SUSD4: variants seen among roughly 807,000 people sequenced by gnomAD.
SUSD4 encodes the protein sushi domain-containing protein 4.
A neutral mutation model predicts 50.5 loss-of-function variants in SUSD4; 41 were observed. That is an observed-to-expected ratio of 0.81 (90% CI 0.63 to 1.05). The LOEUF (loss-of-function observed/expected upper bound fraction) is 1.05. SUSD4 is among the 50% of genes least tolerant of loss of function. The pLI is 0.00. For synonymous variants in SUSD4, 257 were observed against 257.3 expected (o/e 1.00, Z 0.01); for missense variants, 580 against 634.7 (o/e 0.91, Z 0.93).
At chr1:223,253,509 G>A (rs538324593) in intron 5 of SUSD4, among the ~76,000 whole-genome samples, 3 of 152,264 alleles carry the variant, frequency 2.0e-5, no homozygotes, top group African/African-American at 7.2e-5. Context: ...TTACGGCAAT[G>A]GTTTATGAAG....
In SUSD4 at chr1:223,332,602, C is replaced by A. The variant is rs1667234613; in HGVS notation, c.148+30676G>T. 6.6e-6 allele frequency among the ~76,000 whole-genome samples: 1 copy of A among 152,166 alleles called. No homozygotes were observed. The highest frequency in any genetic ancestry group is 6.5e-5 in the Admixed American group (1 of 15,284). ...TGGATTCAAGACGTAAAAAATACAT[C>A]TCAGGCACTGAAACATGGCCTGACC... On this transcript the variant is annotated intron_variant, in intron 2 of 8. Transcript: ENST00000366878. The surrounding 1 kb of genome is among the most constrained non-coding windows in gnomAD (Gnocchi z 4.0).
At position 223,223,634 on chromosome 1, in the gene SUSD4, G is replaced by A; in HGVS notation, c.1062-3C>T. 2.5e-6 allele frequency: 4 copies of A among 1,596,794 alleles called. No homozygotes were observed. Among genetic ancestry groups the A allele is most frequent in the Non-Finnish European group, 3.4e-6 (4 of 1,170,052 alleles). Reference sequence around the variant, plus strand: ...TGCTGGAACTCCGGGGAGGCCCCCTGTGTAAAGGAAAGAAGTGCCAACATG... The same window carrying A: ...TGCTGGAACTCCGGGGAGGCCCCCTATGTAAAGGAAAGAAGTGCCAACATG... On this transcript the variant is annotated splice_region_variant and splice_polypyrimidine_tract_variant and intron_variant, in intron 7 of 8. Coordinates refer to ENST00000366878, the MANE Select transcript of SUSD4 (RefSeq NM_017982.4).
intron 3 of SUSD4, among the ~76,000 whole-genome samples, chr1:223,280,573 C>A (rs985592359): frequency 4.0e-5 from 6 of 151,602 alleles, no homozygotes; most frequent in African/African-American, 1.5e-4. Flanking sequence ...ACAGGAGCAC[C>A]CAGATTCATA....
chr1:223,274,089 T>C (rs1032518794), intron 3 of SUSD4, among the ~76,000 whole-genome samples: 2 of 152,142 alleles, frequency 1.3e-5, no homozygotes, highest in African/African-American at 4.8e-5. Context: ...CTTTTTTCAC[T>C]TACTATCCAC....
chr1:223,245,401 C>T (rs114455577), intron 5 of SUSD4, among the ~76,000 whole-genome samples: 1 of 151,936 alleles, frequency 6.6e-6, no homozygotes, highest in South Asian at 2.1e-4. Flanking sequence ...AGGAAGGACT[C>T]GGTCCAGGAA....
At chr1:223,323,060 A>T (rs1441579454) in intron 2 of SUSD4, among the ~76,000 whole-genome samples, 2 of 152,052 alleles carry the variant, frequency 1.3e-5, no homozygotes, top group Non-Finnish European at 2.9e-5. Flanking sequence ...TTAGGTAGAG[A>T]CTGAAAGAAG....
At chr1:223,237,017 T>A (rs1660267369) in intron 5 of SUSD4, among the ~76,000 whole-genome samples, 1 of 152,124 alleles carries the variant, frequency 6.6e-6, no homozygotes, top group Admixed American at 6.5e-5. Context: ...AGTTCTTTGA[T>A]TTCTTTCATA....
Position 223,301,178 on chromosome 1 carries a change from T to A in SUSD4, c.149-8527A>T, listed in dbSNP as rs191251303. 2.8e-4 allele frequency among the ~76,000 whole-genome samples: 43 copies of A among 152,336 alleles called. No individual in the cohort carries two copies. In the East Asian group the frequency reaches 5.6e-3, roughly 20 times the overall value. On this transcript the variant is annotated intron_variant, in intron 2 of 8. Transcript: ENST00000366878. ...AGTTTAACATGTTTTTGAGTCCTTA[T>A]ATCTGTTAAAACAGGGCTGAGCAAA...
intron 3 of SUSD4, among the ~76,000 whole-genome samples, chr1:223,282,742 T>C (rs1341770345): frequency 6.6e-6 from 1 of 152,164 alleles, no homozygotes; most frequent in East Asian, 1.9e-4. Flanking sequence ...AAAACTACTT[T>C]AAAGTTCATA....
chr1:223,279,121 A>G (rs2103109802), intron 3 of SUSD4, among the ~76,000 whole-genome samples: 1 of 152,324 alleles, frequency 6.6e-6, no homozygotes, highest in South Asian at 2.1e-4. Context: ...AAAGATGGGG[A>G]AAAAACAGAG....
chr1:223,257,570 G>A (rs34084037), intron 5 of SUSD4, among the ~76,000 whole-genome samples: 1 of 152,164 alleles, frequency 6.6e-6, no homozygotes, highest in Non-Finnish European at 1.5e-5. Context: ...GGTTGGCTTA[G>A]GAGAAAGGGA....
chr1:223,257,630 G>A (rs1230818290), intron 5 of SUSD4, among the ~76,000 whole-genome samples: 1 of 152,234 alleles, frequency 6.6e-6, no homozygotes, highest in Non-Finnish European at 1.5e-5. Context: ...TTCAAAATCA[G>A]TGGCATGAAA....
chr1:223,282,068 A>C (rs1663781365), intron 3 of SUSD4, among the ~76,000 whole-genome samples: 1 of 152,228 alleles, frequency 6.6e-6, no homozygotes, highest in Non-Finnish European at 1.5e-5. Context: ...TCAATAAATT[A>C]GGTATTGATG....
At chr1:223,296,502 C>T (rs565367427) in intron 2 of SUSD4, among the ~76,000 whole-genome samples, 34 of 152,154 alleles carry the variant, frequency 2.2e-4, no homozygotes, top group Non-Finnish European at 4.4e-4. Flanking sequence ...CTGTGCTGTG[C>T]ATCCATGTAT....
intron 5 of SUSD4, among the ~76,000 whole-genome samples, chr1:223,251,452 C>T (rs906256960): frequency 6.6e-6 from 1 of 152,162 alleles, no homozygotes; most frequent in Non-Finnish European, 1.5e-5. Context: ...CCCCATGATC[C>T]AATCACCTCT....
In SUSD4 at chr1:223,274,079, C is replaced by CT. The variant is rs1454506173; in HGVS notation, c.362-5405dup. ...ACTCTGAACTTAGTACCACAGAATGCTTTTTTCACTTACTATCCACTAACA... is the reference window on the plus strand; with the variant it reads ...ACTCTGAACTTAGTACCACAGAATGCTTTTTTTCACTTACTATCCACTAACA... On this transcript the variant is annotated intron_variant, in intron 3 of 8. Coordinates refer to ENST00000366878, the MANE Select transcript of SUSD4 (RefSeq NM_017982.4). Among the ~76,000 whole-genome samples the CT allele has an allele frequency of 3.9e-5, 6 of 152,062 alleles. No homozygotes were observed. The East Asian group carries it at 1.2e-3, about 29-fold the overall frequency.
At chr1:223,352,905 G>A (rs1040572523) in intron 2 of SUSD4, among the ~76,000 whole-genome samples, 1 of 151,966 alleles carries the variant, frequency 6.6e-6, no homozygotes, top group Non-Finnish European at 1.5e-5. Context: ...AGATAAGGGG[G>A]AAGCAGAGCA....
rs1660107034 is a variant in SUSD4, at chr1:223,234,839, C to T, written c.725-5451G>A. 1.4e-5 allele frequency: 19 copies of T among 1,366,652 alleles called. 2 individuals carry two copies. In the South Asian group the frequency reaches 3.5e-4, roughly 25 times the overall value. The allele number at this position is 1,366,652 out of a possible 1,614,324, so 84.7% of individuals were successfully genotyped here. A position where few individuals can be genotyped will look rare whatever the true frequency, so the allele number is the denominator to read the frequency against. On this transcript the variant is annotated intron_variant, in intron 5 of 8. Transcript: ENST00000366878. ...CGTTTCTAACACCTTCAAAACAATG[C>T]CAGTTGGTTCTTCCCTTGATGCACT...
At chr1:223,364,637 G>A (rs886485404), upstream of SUSD4, among the ~76,000 whole-genome samples, 7 of 150,924 alleles carry the variant, frequency 4.6e-5, no homozygotes, top group African/African-American at 1.5e-4. The surrounding 1 kb of genome is among the most constrained non-coding windows in gnomAD (Gnocchi z 4.5). Context: ...TCAGGTGCCC[G>A]CCCCGGCCTC....
Sources: allele counts gnomAD v4.1 joint callset (sites outside exome capture counted in the v4.1 genomes callset), GRCh38; gene constraint gnomAD v4.1.1; non-coding constraint Gnocchi (gnomAD v3.1); transcripts MANE v1.5; gene names NCBI Gene and HGNC (gene_info 2026-07-23, HGNC 2026-07-21).